The following KMT2D variants were observed in gnomAD, a reference collection of about 807,000 sequenced individuals.
The protein encoded by KMT2D is histone-lysine N-methyltransferase 2D.
KMT2D carries 55 observed loss-of-function variants against 512.7 expected under a neutral mutation model. That is an observed-to-expected ratio of 0.11 (90% CI 0.09 to 0.13). The LOEUF (loss-of-function observed/expected upper bound fraction) is 0.13. KMT2D is among the 10% of genes least tolerant of loss of function. The pLI, the probability that KMT2D is intolerant of heterozygous loss-of-function variation, is 1.00. For synonymous variants in KMT2D, 2,995 were observed against 2,904.0 expected (o/e 1.03, Z -1.01); for missense variants, 6,061 against 7,127.9 (o/e 0.85, Z 5.39).
At position 49,040,251 on chromosome 12, in the gene KMT2D, G is replaced by C. The variant is rs977445745; in HGVS notation, c.7519C>G (p.His2507Asp). Residue 2507 changes from histidine to aspartate, a missense_variant, in exon 32 of 55, where the codon CAT becomes GAT. By Grantham distance (81) the His-to-Asp change is moderately conservative. This residue lies in a region of KMT2D where 710 missense variants were observed against 647.3 expected (regional missense o/e 1.10). Transcript: ENST00000301067. The part of the protein sequence containing the change: ...ALPAGPAGEL[H>D]AKVPSGQPPN... ...GGCTGCCCACTTGGGACCTTGGCATGGAGCTCACCTGCTGGCCCCGCGGGC... is the reference window on the plus strand; with the variant it reads ...GGCTGCCCACTTGGGACCTTGGCATCGAGCTCACCTGCTGGCCCCGCGGGC... 6.2e-7 allele frequency: 1 copy of C among 1,612,414 alleles called. No individual in the cohort carries two copies. Among genetic ancestry groups the C allele is most frequent in the African/African-American group, 1.3e-5 (1 of 74,922 alleles).
At position 49,043,073 on chromosome 12, in the gene KMT2D, C is replaced by T. The variant is rs1943614177; in HGVS notation, c.5644+3G>A. ...CACAAAGAGGTACGGGTCACAGCCT[C>T]ACCTTCTGTGGAAATCCTGTCTAAG... On this transcript the variant is annotated splice_donor_region_variant and intron_variant, in intron 26 of 54. Transcript: ENST00000301067. The T allele has an allele frequency of 1.2e-6, 2 of 1,611,238 alleles. No homozygotes were observed. Among genetic ancestry groups the T allele is most frequent in the African/African-American group, 2.7e-5 (2 of 74,874 alleles).
intron 13 of KMT2D, 71 bp downstream of exon 13, chr12:49,049,034 A>C: frequency 1.0e-6 from 1 of 969,214 alleles, no homozygotes; most frequent in South Asian, 1.4e-5. Flanking sequence ...CAAGCATGCA[A>C]GGGACTGGCA....
intron 12 of KMT2D, 99 bp downstream of exon 12, chr12:49,049,583 G>C: frequency 3.8e-6 from 5 of 1,312,120 alleles, no homozygotes; most frequent in Non-Finnish European, 5.1e-6. Flanking sequence ...TCCAAGTCTA[G>C]GATTCACAAA....
rs567323882 is a variant in KMT2D, at chr12:49,032,666, T to C, written c.12039A>G (p.Gly4013=). The C allele has an allele frequency of 4.0e-5, 65 of 1,613,768 alleles. No homozygotes were observed. The highest frequency in any genetic ancestry group is 3.3e-4 in the Middle Eastern group (2 of 6,084). ...TCAGGAGGAGGGTTGGACCCAGGGC[T>C]CCAGGGCTAGAAAAGTGTTGAAGAG... The part of the protein sequence containing the change: ...AKPLQHFSSP[G]ALGPTLLLTG... The change falls in exon 40 of 55, where the codon GGA becomes GGG. Residue 4013 remains glycine (G), a synonymous_variant. Transcript: ENST00000301067.
Position 49,046,216 on chromosome 12 carries a change from A to G in KMT2D, c.4584-42T>C, listed in dbSNP as rs539129559. 6.8e-6 allele frequency: 11 copies of G among 1,613,368 alleles called. No homozygotes were observed. The highest frequency in any genetic ancestry group is 9.3e-6 in the Non-Finnish European group (11 of 1,179,640). ...GGAGGAAATAAGCTCAGGCAATGCG[A>G]GGCTGGCAACAGGGCCAAAGTGAGG... On this transcript the variant is annotated intron_variant, in intron 17 of 54. Transcript: ENST00000301067. This position sits in a 1 kb window ranked among gnomAD's most constrained non-coding sequence, Gnocchi z 4.2.
At position 49,054,222 on chromosome 12, in the gene KMT2D, C is replaced by A. The variant is rs924670274; in HGVS notation, c.511-82G>T. On this transcript the variant is annotated intron_variant, in intron 5 of 54. Transcript: ENST00000301067. The surrounding 1 kb of genome is among the most constrained non-coding windows in gnomAD (Gnocchi z 6.4). ...CAGGCACTAGCTCTGCCCCAGTATA[C>A]CCATGGTCCTTCTCATTCCAACCTG... 6.5e-7 allele frequency: 1 copy of A among 1,533,624 alleles called. No homozygotes were observed. The highest frequency in any genetic ancestry group is 8.8e-7 in the Non-Finnish European group (1 of 1,132,064).
rs2120485108 is a variant in KMT2D at position 49,037,748 on chromosome 12, C to T, written c.9608G>A (p.Gly3203Asp). 6.3e-7 allele frequency: 1 copy of T among 1,589,984 alleles called. No individual in the cohort carries two copies. Among genetic ancestry groups the T allele is most frequent in the Non-Finnish European group, 8.6e-7 (1 of 1,168,028 alleles). ...AHLLTPSPLS[G>D]PGGSSLLEKF... ...TTCCAGCAGGGAGGATCCTCCTGGG[C>T]CACTCAGTGGGCTGGGGGTCAGCAG... Residue 3203 changes from glycine (G) to aspartate (D), a missense_variant, in exon 35 of 55, where the codon GGC becomes GAC. Coordinates refer to ENST00000301067, the MANE Select transcript of KMT2D (RefSeq NM_003482.4).
intron 41 of KMT2D, 43 bp from the exon 42 acceptor site, chr12:49,030,811 G>A (rs749041764): frequency 6.2e-7 from 1 of 1,612,478 alleles, no homozygotes; most frequent in African/African-American, 1.3e-5. Flanking sequence ...TGCAGCGTTT[G>A]CATCGCTGTC....
In KMT2D at chr12:49,024,506, C is replaced by T. The variant is rs1295635169; in HGVS notation, c.16052+72G>A. 2 of 1,526,246 alleles carry T rather than the reference C, an allele frequency of 1.3e-6. No individual in the cohort carries two copies. The highest frequency in any genetic ancestry group is 2.3e-5 in the East Asian group (1 of 44,114). 94.5% of individuals were successfully genotyped at this position (1,526,246 alleles called of 1,614,324 possible). On this transcript the variant is annotated intron_variant, in intron 51 of 54. Transcript: ENST00000301067. This position sits in a 1 kb window ranked among gnomAD's most constrained non-coding sequence, Gnocchi z 4.5. ...GGAACTCTGATCTGTATCCTAAATC[C>T]TCATAATGGGACCAGAGGATCCCTG...
rs774178055 is a variant in KMT2D, at chr12:49,039,574, C to T, written c.8090G>A (p.Arg2697His). 1.9e-6 allele frequency: 3 copies of T among 1,611,330 alleles called. No individual in the cohort carries two copies. The highest frequency in any genetic ancestry group is 1.3e-5 in the African/African-American group (1 of 75,044). ...TTCCTTCTCCTGCCGCAGGGTGTTG[C>T]GCTGGATCTGCTGCCGAATCAGCAG... ...RELLIRQQIQ[R>H]NTLRQEKETA... is the part of the protein sequence containing the mutation. The change falls in exon 33 of 55, where the codon CGC becomes CAC. Residue 2697 changes from arginine (R) to histidine (H), a missense_variant. Physicochemically the swap from Arg to His is conservative, Grantham distance 29 (BLOSUM62 0). Coordinates refer to ENST00000301067, the MANE Select transcript of KMT2D (RefSeq NM_003482.4). This position sits in a 1 kb window ranked among gnomAD's most constrained non-coding sequence, Gnocchi z 5.0.
At position 49,049,692 on chromosome 12, in the gene KMT2D, C is replaced by T. The variant is rs1266718915; in HGVS notation, c.3896G>A (p.Arg1299His). ...TAGATAGCCCCTCACCTGTTTGATG[C>T]GGGAACGGGCTGGGGAGCTGCGCCG... ...GRRRSSPARS[R>H]IKQGRSSSFP... The change falls in exon 12 of 55, where the codon CGC becomes CAC. Residue 1299 changes from arginine to histidine, a missense_variant. Transcript: ENST00000301067. 3 of 1,581,970 alleles carry T rather than the reference C, an allele frequency of 1.9e-6. No individual in the cohort carries two copies. Among genetic ancestry groups the T allele is most frequent in the Admixed American group, 3.5e-5 (2 of 57,966 alleles).
At position 49,024,505 on chromosome 12, in the gene KMT2D, C is replaced by T; in HGVS notation, c.16052+73G>A. ...GGGAACTCTGATCTGTATCCTAAAT[C>T]CTCATAATGGGACCAGAGGATCCCT... is the stretch of plus-strand genomic sequence containing the variant. On this transcript the variant is annotated intron_variant, in intron 51 of 54. Transcript: ENST00000301067. This position sits in a 1 kb window ranked among gnomAD's most constrained non-coding sequence, Gnocchi z 4.5. 1 of 1,522,152 alleles carries T rather than the reference C, an allele frequency of 6.6e-7. No homozygotes were observed. The highest frequency in any genetic ancestry group is 8.8e-7 in the Non-Finnish European group (1 of 1,133,576). 94.3% of individuals were successfully genotyped at this position (1,522,152 alleles called of 1,614,324 possible).
chr12:49,055,106 T>A, intron 2 of KMT2D, 80 bp from the exon 3 acceptor site: 1 of 1,591,742 alleles, frequency 6.3e-7, no homozygotes, highest in Non-Finnish European at 8.6e-7. Flanking sequence ...CATGAGATTA[T>A]CCAAAACCTG....
rs1032999897 is a variant in KMT2D, at chr12:49,046,956, T to C, written c.4237-166A>G. ...TGCCTCTCAGGTACAAGTGATTCTC[T>C]TGTCTCAGCCTCCCAAGTAGCTGAG... On this transcript the variant is annotated intron_variant, in intron 15 of 54. Transcript: ENST00000301067. This position sits in a 1 kb window ranked among gnomAD's most constrained non-coding sequence, Gnocchi z 4.2. 2.0e-5 allele frequency among the ~76,000 whole-genome samples: 3 copies of C among 151,894 alleles called. No homozygotes were observed. Among genetic ancestry groups the C allele is most frequent in the Non-Finnish European group, 4.4e-5 (3 of 67,926 alleles).
intron 48 of KMT2D, 52 bp from the exon 49 acceptor site, chr12:49,027,374 C>A (rs2120372680): frequency 7.1e-7 from 1 of 1,401,878 alleles, no homozygotes; most frequent in Non-Finnish European, 9.6e-7. Context: ...CTAACTAGCT[C>A]CCTCCTTCCC....
intron 26 of KMT2D, 70 bp downstream of exon 26, chr12:49,043,006 C>G (rs988265540): frequency 6.4e-7 from 1 of 1,559,812 alleles, no homozygotes; most frequent in African/African-American, 1.4e-5. Flanking sequence ...ATCACAGTCC[C>G]AAAGATAGGA....
rs765434154 is a variant in KMT2D, at chr12:49,020,251, C to G, written c.*1529G>C. The G allele has an allele frequency of 2.1e-4, 36 of 170,110 alleles. No individual in the cohort carries two copies. The highest frequency in any genetic ancestry group is 3.3e-4 in the Non-Finnish European group (26 of 78,574). 10.5% of individuals were successfully genotyped at this position (170,110 alleles called of 1,614,324 possible). A position where few individuals can be genotyped will look rare whatever the true frequency, so the allele number is the denominator to read the frequency against. ...ACAGGGGGTGGGAATTGCCCAGCCT[C>G]TATACCCCCATCTTACAGCAGTCAC... On this transcript the variant is annotated 3_prime_UTR_variant, in exon 55 of 55. Coordinates refer to ENST00000301067, the MANE Select transcript of KMT2D (RefSeq NM_003482.4).
rs1450683487 is a variant in KMT2D at position 49,032,406 on chromosome 12, T to A, written c.12299A>T (p.Gln4100Leu). Residue 4100 changes from glutamine to leucine, a missense_variant, in exon 40 of 55, where the codon CAA becomes CTA. Physicochemically the swap from Gln to Leu is moderately radical, Grantham distance 113 (BLOSUM62 -2). Coordinates refer to ENST00000301067, the MANE Select transcript of KMT2D (RefSeq NM_003482.4). Reference sequence around the variant, plus strand: ...GAGCAGGCTAACTTGCTGCTGCTGTTGTCCTGGAAGCCTCAGAGGTGGCTG... The same window carrying A: ...GAGCAGGCTAACTTGCTGCTGCTGTAGTCCTGGAAGCCTCAGAGGTGGCTG... ...QLQPPLRLPG[Q>L]QQQQVSLLHT... 1 of 1,597,382 alleles carries A rather than the reference T, an allele frequency of 6.3e-7. No individual in the cohort carries two copies. The highest frequency in any genetic ancestry group is 1.1e-5 in the South Asian group (1 of 89,082).
rs372919446 is a variant in KMT2D at position 49,051,771 on chromosome 12, G to C, written c.1912C>G (p.Pro638Ala). The C allele has an allele frequency of 1.7e-5, 27 of 1,610,834 alleles. No homozygotes were observed. The Middle Eastern group carries it at 6.6e-4, about 40-fold the overall frequency. ...GGGGACATAGGTGATTCTTCAGGTG[G>C]TGGGGACATAGGCGAGTCCTCAGGT... ...PPPEDSPMSP[P>A]PEESPMSPPP... The change falls in exon 11 of 55, where the codon CCA (proline) becomes GCA (alanine). Residue 638 changes from proline (P) to alanine (A), a missense_variant. By Grantham distance (27) the Pro-to-Ala change is conservative (BLOSUM62 -1). Coordinates refer to ENST00000301067, the MANE Select transcript of KMT2D (RefSeq NM_003482.4).
Sources: allele counts gnomAD v4.1 joint callset (sites outside exome capture counted in the v4.1 genomes callset), GRCh38; gene constraint gnomAD v4.1.1; regional missense constraint gnomAD v4.1.1; non-coding constraint Gnocchi (gnomAD v3.1); transcripts MANE v1.5; gene names NCBI Gene and HGNC (gene_info 2026-07-23, HGNC 2026-07-21).